The following PPARD variants were observed in gnomAD, a reference collection of about 807,000 sequenced individuals.
PPARD encodes the protein peroxisome proliferator-activated receptor delta.
Under a neutral mutation model 39.5 loss-of-function variants are expected in PPARD, and 6 were observed. The observed-to-expected ratio is 0.15, with a 90% CI of 0.08 to 0.30. The LOEUF is 0.30. Ranked by LOEUF, PPARD falls within the 10% of genes least tolerant of loss-of-function variation. PPARD has a pLI of 1.00. For synonymous variants in PPARD, 210 were observed against 231.3 expected, an observed-to-expected ratio of 0.91 and a Z score of 0.83; for missense variants, 397 against 596.8, an observed-to-expected ratio of 0.67 and a Z score of 3.49.
chr6:35,400,207 G>A (rs1764616550), intron 2 of PPARD, among the ~76,000 whole-genome samples: 1 of 152,160 alleles, frequency 6.6e-6, no homozygotes, highest in Admixed American at 6.5e-5. Flanking sequence ...GGGCCAGTCA[G>A]AGTTTCATTG....
At chr6:35,414,942 C>G (rs140012963) in intron 3 of PPARD, among the ~76,000 whole-genome samples, 2 of 152,148 alleles carry the variant, frequency 1.3e-5, no homozygotes, top group Non-Finnish European at 2.9e-5. Flanking sequence ...TTCCCATCAA[C>G]AAGGAAACTG....
chr6:35,347,982 A>G (rs1401051338), intron 2 of PPARD, among the ~76,000 whole-genome samples: 1 of 146,544 alleles, frequency 6.8e-6, no homozygotes, highest in Non-Finnish European at 1.5e-5. Context: ...ATCTCGGCTC[A>G]CTGCAACCTC....
At chr6:35,375,399 A>G (rs1351496296) in intron 2 of PPARD, among the ~76,000 whole-genome samples, 10 of 152,040 alleles carry the variant, frequency 6.6e-5, no homozygotes, top group Non-Finnish European at 1.2e-4. Flanking sequence ...TATTTTTAGT[A>G]GAGACAGGGT....
At chr6:35,394,122 T>C (rs932731811) in intron 2 of PPARD, among the ~76,000 whole-genome samples, 1 of 152,256 alleles carries the variant, frequency 6.6e-6, no homozygotes, top group Non-Finnish European at 1.5e-5. Flanking sequence ...TCATTCTCCC[T>C]TCCCTCCTGT....
chr6:35,404,747 G>T (rs2267667), intron 2 of PPARD, among the ~76,000 whole-genome samples: 1 of 152,036 alleles, frequency 6.6e-6, no homozygotes, highest in African/African-American at 2.4e-5. Context: ...TAGTTGCTCT[G>T]GCCCCAGACC....
intron 1 of PPARD, among the ~76,000 whole-genome samples, chr6:35,346,100 C>G (rs902335977): frequency 6.6e-6 from 1 of 152,130 alleles, no homozygotes; most frequent in East Asian, 1.9e-4. Flanking sequence ...GAGATGGTCT[C>G]GATTTCCTGA....
chr6:35,360,515 C>T (rs1163592126), intron 2 of PPARD, among the ~76,000 whole-genome samples: 1 of 152,334 alleles, frequency 6.6e-6, no homozygotes, highest in African/African-American at 2.4e-5. Flanking sequence ...AAACAGCTAA[C>T]AAGTGGTGGA....
chr6:35,404,953 T>TGTGTGTGTGTGTG (rs1764934030), intron 2 of PPARD, among the ~76,000 whole-genome samples: 7 of 142,132 alleles, frequency 4.9e-5, no homozygotes, highest in Admixed American at 4.8e-4. Context: ...ACTGCAGGCT[T>TGTGTGTGTGTGTG]TGTGTGTGTG....
intron 2 of PPARD, among the ~76,000 whole-genome samples, chr6:35,355,662 A>AG (rs1191992826): frequency 1.8e-5 from 2 of 110,886 alleles, no homozygotes; most frequent in African/African-American, 7.1e-5. Flanking sequence ...CCCAGGCTGG[A>AG]GTGCAGTGGC....
chr6:35,410,624 C>T (rs1765363960), intron 2 of PPARD, among the ~76,000 whole-genome samples: 2 of 152,162 alleles, frequency 1.3e-5, no homozygotes, highest in South Asian at 4.1e-4. Flanking sequence ...ATCTGGATCT[C>T]CAGGTGGGCT....
chr6:35,353,639 G>A (rs1403348751), intron 2 of PPARD, among the ~76,000 whole-genome samples: 1 of 152,212 alleles, frequency 6.6e-6, no homozygotes, highest in Non-Finnish European at 1.5e-5. Flanking sequence ...TAGAAGCAAG[G>A]AGTGGAGCCA....
rs550238146 is a variant in PPARD at position 35,374,313 on chromosome 6, CGG to C, written c.-102+27169_-102+27170del. ...TCATGGTTAGTTCTCGGCGGTGGGGCGGGGGGGTTTAGTGGGCAATTGCTTTT... is the reference window on the plus strand; with the variant it reads ...TCATGGTTAGTTCTCGGCGGTGGGGCGGGGGTTTAGTGGGCAATTGCTTTT... On this transcript the variant is annotated intron_variant, in intron 2 of 7. Transcript: ENST00000360694. 4.1e-4 allele frequency among the ~76,000 whole-genome samples: 59 copies of C among 142,662 alleles called. 2 individuals are homozygous for C. Among genetic ancestry groups the C allele is most frequent in the African/African-American group, 1.6e-3 (57 of 34,726 alleles). The allele number at this position is 142,662 out of a possible 152,430, so 93.6% of individuals were successfully genotyped here.
At chr6:35,423,366 T>C (rs987350234) in intron 5 of PPARD, among the ~76,000 whole-genome samples, 5 of 142,258 alleles carry the variant, frequency 3.5e-5, no homozygotes, top group African/African-American at 1.3e-4. Flanking sequence ...CTGTCTCTAC[T>C]AAAAAAAAAA....
intron 2 of PPARD, among the ~76,000 whole-genome samples, chr6:35,408,080 A>G (rs1765172991): frequency 6.6e-6 from 1 of 152,214 alleles, no homozygotes; most frequent in Non-Finnish European, 1.5e-5. Context: ...GGGAGGCCAC[A>G]GTGGCCAGGT....
At chr6:35,380,943 C>T (rs192273313) in intron 2 of PPARD, among the ~76,000 whole-genome samples, 4 of 152,314 alleles carry the variant, frequency 2.6e-5, no homozygotes, top group Non-Finnish European at 4.4e-5. Context: ...CTGCAGCACA[C>T]TTCTCTTTCT....
At chr6:35,348,612 A>G in intron 2 of PPARD, 1 of 985,366 alleles carries the variant, frequency 1.0e-6, no homozygotes, top group Non-Finnish European at 1.2e-6. Flanking sequence ...TGTGGGCTTC[A>G]CTTCCCCTTC....
intron 1 of PPARD, among the ~76,000 whole-genome samples, chr6:35,343,905 C>G (rs1792014733): frequency 6.6e-6 from 1 of 152,230 alleles, no homozygotes; most frequent in Non-Finnish European, 1.5e-5. Flanking sequence ...TCCGAAAGGA[C>G]TAAGAGAATT....
chr6:35,402,437 G>A (rs536476892), intron 2 of PPARD, among the ~76,000 whole-genome samples: 63 of 152,174 alleles, frequency 4.1e-4, no homozygotes, highest in Non-Finnish European at 8.2e-4. Context: ...GTGGGTGGGT[G>A]GGCACACCCA....
At chr6:35,385,847 G>T (rs1447407255) in intron 2 of PPARD, among the ~76,000 whole-genome samples, 1 of 152,042 alleles carries the variant, frequency 6.6e-6, no homozygotes, top group Non-Finnish European at 1.5e-5. Flanking sequence ...ATTGCCAGTG[G>T]TTGGATTGTG....
Sources: allele counts gnomAD v4.1 joint callset (sites outside exome capture counted in the v4.1 genomes callset), GRCh38; gene constraint gnomAD v4.1.1; transcripts MANE v1.5; gene names NCBI Gene and HGNC (gene_info 2026-07-23, HGNC 2026-07-21).